LRP1B: variants seen among roughly 807,000 people sequenced by gnomAD.
LRP1B encodes low-density lipoprotein receptor-related protein 1B.
LRP1B carries 217 observed loss-of-function variants against 556.6 expected under a neutral mutation model. The observed-to-expected ratio is 0.39, with a 90% CI of 0.35 to 0.44. The LOEUF is 0.44. LRP1B is among the 20% of genes least tolerant of loss of function. The probability of loss-of-function intolerance (pLI) is 1.00; values close to 1 mark genes in which losing one functional copy is unlikely to be tolerated. For synonymous variants in LRP1B, 2,047 were observed against 1,865.8 expected, an observed-to-expected ratio of 1.10 and a Z score of -2.50; for missense variants, 5,053 against 5,620.8, an observed-to-expected ratio of 0.90 and a Z score of 3.23.
At chr2:140,568,112 T>G (rs560055202) in intron 43 of LRP1B, among the ~76,000 whole-genome samples, 1 of 148,188 alleles carries the variant, frequency 6.7e-6, no homozygotes, top group East Asian at 2.0e-4. Flanking sequence ...AAAATAACTC[T>G]CCAGAAACTG....
chr2:141,058,779 A>G (rs1699255807), intron 9 of LRP1B, 104 bp downstream of exon 9: 2 of 881,526 alleles, frequency 2.3e-6, no homozygotes, highest in Non-Finnish European at 1.6e-6. Flanking sequence ...CTGTCAAAGC[A>G]GAGAATTTAT....
At chr2:141,368,247 A>C (rs1174095447) in intron 3 of LRP1B, among the ~76,000 whole-genome samples, 1 of 152,190 alleles carries the variant, frequency 6.6e-6, no homozygotes, top group Non-Finnish European at 1.5e-5. Context: ...TATAGTCTGC[A>C]TATCTGGGAA....
chr2:141,750,599 T>C (rs895982023), intron 2 of LRP1B, among the ~76,000 whole-genome samples: 1 of 152,282 alleles, frequency 6.6e-6, no homozygotes, highest in Non-Finnish European at 1.5e-5. Context: ...CCTGCATGCA[T>C]TCTCAAAACA....
chr2:141,374,028 T>C (rs1189564757), intron 3 of LRP1B, among the ~76,000 whole-genome samples: 2 of 152,142 alleles, frequency 1.3e-5, no homozygotes, highest in Non-Finnish European at 2.9e-5. Flanking sequence ...CTTTTGAACA[T>C]TTCCTGTAGG....
intron 7 of LRP1B, among the ~76,000 whole-genome samples, chr2:141,166,701 ATAAC>A (rs1218035221): frequency 1.3e-5 from 2 of 151,674 alleles, no homozygotes; most frequent in African/African-American, 4.8e-5. Context: ...ATTCTTGACG[ATAAC>A]ATATTGTTTA....
chr2:140,613,400 AATAATTATATACATATAAATATATAT>A (rs1553499019), intron 41 of LRP1B, among the ~76,000 whole-genome samples: 2 of 84,378 alleles, frequency 2.4e-5, no homozygotes, highest in Middle Eastern at 5.2e-3. Flanking sequence ...TATAAATATA[AATAATTATATACATATAAATATATAT>A]ATAATTATAT....
At chr2:141,483,559 A>G (rs911189062) in intron 2 of LRP1B, among the ~76,000 whole-genome samples, 4 of 26,894 alleles carry the variant, frequency 1.5e-4, no homozygotes, top group African/African-American at 2.2e-4. Context: ...CAATGGTTGA[A>G]CTACTTTACG....
chr2:141,115,474 T>TTTTG (rs1574088122), intron 7 of LRP1B, among the ~76,000 whole-genome samples: 1 of 149,690 alleles, frequency 6.7e-6, no homozygotes, highest in African/African-American at 2.5e-5. Flanking sequence ...TTTTTTTTTT[T>TTTTG]GAGATGGATT....
At chr2:141,071,395 T>C (rs1300281332) in intron 7 of LRP1B, among the ~76,000 whole-genome samples, 2 of 151,774 alleles carry the variant, frequency 1.3e-5, no homozygotes, top group East Asian at 3.9e-4. Flanking sequence ...CCACAGCCAA[T>C]ATCATACTGA....
intron 41 of LRP1B, among the ~76,000 whole-genome samples, chr2:140,627,149 G>T (rs762589920): frequency 2.0e-5 from 3 of 152,132 alleles, no homozygotes; most frequent in Non-Finnish European, 2.9e-5. Context: ...GATATGGGTG[G>T]CAAGAACTCA....
intron 86 of LRP1B, among the ~76,000 whole-genome samples, chr2:140,264,003 G>C (rs758219746): frequency 7.2e-5 from 11 of 151,956 alleles, no homozygotes; most frequent in African/African-American, 1.9e-4. Context: ...CTTCTTAAAG[G>C]CTGGAAATTG....
At chr2:141,970,720 A>T (rs1048300463) in intron 1 of LRP1B, among the ~76,000 whole-genome samples, 1 of 151,570 alleles carries the variant, frequency 6.6e-6, no homozygotes, top group Non-Finnish European at 1.5e-5. Flanking sequence ...TCCTTTATCA[A>T]CCATTAGCTT....
chr2:142,008,108 A>T (rs1362420982), intron 1 of LRP1B, among the ~76,000 whole-genome samples: 1 of 152,216 alleles, frequency 6.6e-6, no homozygotes, highest in Non-Finnish European at 1.5e-5. Flanking sequence ...GGATTCATTC[A>T]TAACTAGGGC....
At chr2:141,150,440 C>T (rs1044983919) in intron 7 of LRP1B, among the ~76,000 whole-genome samples, 1 of 152,130 alleles carries the variant, frequency 6.6e-6, no homozygotes, top group Non-Finnish European at 1.5e-5. Context: ...ATTTCTAATA[C>T]TCAAAGTGTT....
At chr2:140,455,273 G>A (rs1482432312) in intron 62 of LRP1B, among the ~76,000 whole-genome samples, 1 of 152,112 alleles carries the variant, frequency 6.6e-6, no homozygotes, top group East Asian at 1.9e-4. Context: ...AGCAGAGTCT[G>A]TGGCTTGTGC....
intron 1 of LRP1B, among the ~76,000 whole-genome samples, chr2:141,909,468 T>C (rs181695456): frequency 6.6e-6 from 1 of 151,684 alleles, no homozygotes; most frequent in East Asian, 1.9e-4. Flanking sequence ...TCTCATTCCT[T>C]GCATGGGGTA....
intron 3 of LRP1B, among the ~76,000 whole-genome samples, chr2:141,402,157 C>A (rs1690472496): frequency 6.6e-6 from 1 of 151,894 alleles, no homozygotes; most frequent in Non-Finnish European, 1.5e-5. Flanking sequence ...CATTTTTTTT[C>A]TAGCTTTAAA....
chr2:140,881,355 G>A (rs12993593), intron 25 of LRP1B, among the ~76,000 whole-genome samples: 1 of 151,610 alleles, frequency 6.6e-6, no homozygotes, highest in Admixed American at 6.6e-5. Flanking sequence ...CCTCAGAACT[G>A]TTTATCAAAA....
chr2:141,472,142 A>G (rs908563430), intron 3 of LRP1B, among the ~76,000 whole-genome samples: 3 of 152,212 alleles, frequency 2.0e-5, no homozygotes, highest in African/African-American at 7.2e-5. Flanking sequence ...CAAGGGGTAA[A>G]TCTCCATATC....
Sources: allele counts gnomAD v4.1 joint callset (sites outside exome capture counted in the v4.1 genomes callset), GRCh38; gene constraint gnomAD v4.1.1; transcripts MANE v1.5; gene names NCBI Gene and HGNC (gene_info 2026-07-23, HGNC 2026-07-21).